The following LRRC7 variants were observed in gnomAD, a reference collection of about 807,000 sequenced individuals.
The protein encoded by LRRC7 is leucine-rich repeat-containing protein 7.
Under a neutral mutation model 175.7 loss-of-function variants are expected in LRRC7, and 23 were observed. That is an observed-to-expected ratio of 0.13 (90% CI 0.09 to 0.19). The LOEUF is 0.19. Among genes scored for constraint, LRRC7 ranks in the 10% least tolerant of loss-of-function variants. LRRC7 has a pLI of 1.00. For missense variants in LRRC7, 1,354 were observed against 1,904.7 expected (o/e 0.71, Z 5.38); for synonymous variants, 685 against 680.9 (o/e 1.01, Z -0.09).
chr1:69,698,553 T>A (rs1662915809), intron 2 of LRRC7, among the ~76,000 whole-genome samples: 1 of 152,226 alleles, frequency 6.6e-6, no homozygotes, highest in African/African-American at 2.4e-5. Context: ...TTCCTAGGAA[T>A]ATCCAGAAAA....
At chr1:69,692,513 G>A (rs1306330827) in intron 2 of LRRC7, among the ~76,000 whole-genome samples, 2 of 152,106 alleles carry the variant, frequency 1.3e-5, no homozygotes, top group East Asian at 3.9e-4. Flanking sequence ...TTTTTCGTGG[G>A]TCCTTCTGAG....
chr1:69,960,342 T>A (rs959448284), intron 8 of LRRC7, among the ~76,000 whole-genome samples: 2 of 152,096 alleles, frequency 1.3e-5, no homozygotes, highest in African/African-American at 4.8e-5. Context: ...CCCTTATAAT[T>A]TTTTATTGTG....
intron 1 of LRRC7, chr1:69,606,875 A>G (rs1024141588): frequency 2.0e-5 from 3 of 152,168 alleles, no homozygotes; most frequent in African/African-American, 7.2e-5. Context: ...GAAGATTTCA[A>G]GAAACAAATT....
At chr1:69,821,049 C>T (rs1233908494) in intron 4 of LRRC7, among the ~76,000 whole-genome samples, 2 of 152,186 alleles carry the variant, frequency 1.3e-5, no homozygotes, top group African/African-American at 4.8e-5. Context: ...TTAGTGATCA[C>T]CATTCTAACT....
chr1:69,950,979 G>A (rs1424127134), intron 8 of LRRC7, among the ~76,000 whole-genome samples: 2 of 151,716 alleles, frequency 1.3e-5, no homozygotes, highest in Non-Finnish European at 2.9e-5. Flanking sequence ...ACACACAGGT[G>A]GAAATGTCTA....
At chr1:69,924,284 G>A (rs1408369826) in intron 7 of LRRC7, among the ~76,000 whole-genome samples, 7 of 151,862 alleles carry the variant, frequency 4.6e-5, no homozygotes, top group Admixed American at 6.6e-5. Context: ...TTGGCGATGC[G>A]GGCTCTTTTT....
At chr1:69,613,764 A>G (rs557124837) in intron 1 of LRRC7, among the ~76,000 whole-genome samples, 53 of 152,152 alleles carry the variant, frequency 3.5e-4, no homozygotes, top group African/African-American at 1.2e-3. Context: ...AAGCAGAAGC[A>G]TTTTCATAAC....
chr1:69,569,417 C>A (rs1007699917), intron 1 of LRRC7, among the ~76,000 whole-genome samples: 1 of 151,996 alleles, frequency 6.6e-6, no homozygotes, highest in African/African-American at 2.4e-5. Flanking sequence ...CCTTGAGGAT[C>A]TTGCGTCCTC....
chr1:69,766,816 G>A (rs1032749095), intron 3 of LRRC7, among the ~76,000 whole-genome samples: 2 of 152,050 alleles, frequency 1.3e-5, no homozygotes, highest in African/African-American at 4.8e-5. Flanking sequence ...ACAATCATAA[G>A]CACAAAACAA....
intron 2 of LRRC7, among the ~76,000 whole-genome samples, chr1:69,757,925 C>T (rs1410826929): frequency 1.3e-5 from 2 of 151,870 alleles, no homozygotes; most frequent in African/African-American, 4.8e-5. Flanking sequence ...CCCATAGCCT[C>T]TCTTTCCACC....
chr1:69,909,614 C>T (rs966740459), intron 7 of LRRC7, among the ~76,000 whole-genome samples: 1 of 152,168 alleles, frequency 6.6e-6, no homozygotes, highest in Non-Finnish European at 1.5e-5. Flanking sequence ...TCTCTTCTGG[C>T]TTGTAGGGTT....
rs563684912 is a variant in LRRC7 at position 70,107,738 on chromosome 1, C to T, written c.4546-14C>T. ...GGTAATAGAATCCTAACCTCTGTTA[C>T]TTCTGACTTATAGGGTATCTTTGTT... On this transcript the variant is annotated splice_polypyrimidine_tract_variant and intron_variant, in intron 25 of 26. Coordinates refer to ENST00000651989, the MANE Select transcript of LRRC7 (RefSeq NM_001370785.2). The T allele has an allele frequency of 6.2e-7, 1 of 1,608,992 alleles. No individual in the cohort carries two copies. Among genetic ancestry groups the T allele is most frequent in the Non-Finnish European group, 8.5e-7 (1 of 1,175,722 alleles).
intron 8 of LRRC7, among the ~76,000 whole-genome samples, chr1:69,980,142 G>A (rs1036760036): frequency 6.6e-5 from 10 of 152,058 alleles, no homozygotes; most frequent in African/African-American, 1.9e-4. Flanking sequence ...ATGTATGTGA[G>A]TAATAGATCT....
chr1:70,051,193 A>G lies in LRRC7; in HGVS notation c.4111-1833A>G, dbSNP rs114862363. Among the ~76,000 whole-genome samples the G allele has an allele frequency of 3.9e-3, 587 of 152,146 alleles. 5 individuals carry two copies. Among genetic ancestry groups the G allele is most frequent in the African/African-American group, 0.013 (554 of 41,562 alleles). ...CTGGAAACATGTCTGGGTGGAGGAAATACAGATAGAGTTGGGGAGGATGTG... is the reference window on the plus strand; with the variant it reads ...CTGGAAACATGTCTGGGTGGAGGAAGTACAGATAGAGTTGGGGAGGATGTG... On this transcript the variant is annotated intron_variant, in intron 22 of 26. Coordinates refer to ENST00000651989, the MANE Select transcript of LRRC7 (RefSeq NM_001370785.2).
At position 69,568,630 on chromosome 1, in the gene LRRC7, C is replaced by T; in HGVS notation, c.-10C>T. 7.4e-7 allele frequency: 1 copy of T among 1,352,428 alleles called. No individual in the cohort carries two copies. Among genetic ancestry groups the T allele is most frequent in the African/African-American group, 1.5e-5 (1 of 66,314 alleles). The allele number at this position is 1,352,428 out of a possible 1,614,324, so 83.8% of individuals were successfully genotyped here. On this transcript the variant is annotated 5_prime_UTR_variant, in exon 1 of 27. Transcript: ENST00000651989. ...CTCCGAAACCTCATGGGCAGTTTCT[C>T]CCGCCGGCGATGTGAGTAAGGCACG... is the stretch of plus-strand genomic sequence containing the variant.
intron 7 of LRRC7, among the ~76,000 whole-genome samples, chr1:69,881,685 T>C (rs929398486): frequency 1.3e-5 from 2 of 150,644 alleles, no homozygotes; most frequent in African/African-American, 4.9e-5. Context: ...AAGACTAGTC[T>C]GGGCAACATA....
At chr1:69,670,078 T>C (rs1350486472) in intron 1 of LRRC7, among the ~76,000 whole-genome samples, 7 of 152,212 alleles carry the variant, frequency 4.6e-5, no homozygotes, top group Admixed American at 1.3e-4. Context: ...AGTTGGTCTC[T>C]AGTGCCTTTT....
intron 7 of LRRC7, among the ~76,000 whole-genome samples, chr1:69,906,670 G>A (rs954799045): frequency 9.9e-5 from 15 of 152,196 alleles, no homozygotes; most frequent in Non-Finnish European, 1.5e-4. Context: ...TAGCCTTGTA[G>A]TATAGTTTGA....
At chr1:70,113,678 T>G (rs1665660425) in intron 26 of LRRC7, among the ~76,000 whole-genome samples, 1 of 152,140 alleles carries the variant, frequency 6.6e-6, no homozygotes. Context: ...GAAAGTTTTG[T>G]ACTTTCAGTA....
Sources: allele counts gnomAD v4.1 joint callset (sites outside exome capture counted in the v4.1 genomes callset), GRCh38; gene constraint gnomAD v4.1.1; transcripts MANE v1.5; gene names NCBI Gene and HGNC (gene_info 2026-07-23, HGNC 2026-07-21).